The following FHIT variants were observed in gnomAD, a reference collection of about 807,000 sequenced individuals.
The protein encoded by FHIT is fragile histidine triad diadenosine triphosphatase, also known as bis(5'-adenosyl)-triphosphatase.
Under a neutral mutation model 17.9 loss-of-function variants are expected in FHIT, and 19 were observed. The ratio of observed to expected loss-of-function variants is 1.06; its 90% confidence interval spans 0.74 to 1.56. The LOEUF is 1.56. Among genes scored for constraint, FHIT ranks in the 40% most tolerant of loss-of-function variants. The pLI is 0.00. For synonymous variants in FHIT, 81 were observed against 69.7 expected (o/e 1.16, Z -0.81); for missense variants, 248 against 189.2 (o/e 1.31, Z -1.82).
chr3:60,468,387 C>T (rs982863050), intron 5 of FHIT, among the ~76,000 whole-genome samples: 1 of 151,894 alleles, frequency 6.6e-6, no homozygotes, highest in Non-Finnish European at 1.5e-5. Context: ...TCATTCCTTC[C>T]TGTCTTCCTT....
At chr3:60,878,528 A>G (rs1434557516) in intron 3 of FHIT, among the ~76,000 whole-genome samples, 1 of 151,724 alleles carries the variant, frequency 6.6e-6, no homozygotes, top group South Asian at 2.1e-4. Flanking sequence ...TTTAGGGTAC[A>G]TGTGCACAAT....
At chr3:60,130,746 G>GTT (rs1491226902) in intron 5 of FHIT, among the ~76,000 whole-genome samples, 1 of 46,980 alleles carries the variant, frequency 2.1e-5, no homozygotes, top group African/African-American at 1.0e-4. Context: ...CTGAATAGGG[G>GTT]TGTGTGTGTG....
At chr3:60,786,106 C>T (rs1290952011) in intron 4 of FHIT, among the ~76,000 whole-genome samples, 1 of 152,204 alleles carries the variant, frequency 6.6e-6, no homozygotes, top group African/African-American at 2.4e-5. Context: ...TTTTTAAAAG[C>T]CTAATTTTTA....
At chr3:60,542,064 CATT>C (rs900157673) in intron 4 of FHIT, among the ~76,000 whole-genome samples, 8 of 152,244 alleles carry the variant, frequency 5.3e-5, no homozygotes. Context: ...TGTGTACATA[CATT>C]TTTTGTCAAA....
At chr3:60,610,989 G>C (rs1356719710) in intron 4 of FHIT, among the ~76,000 whole-genome samples, 1 of 152,112 alleles carries the variant, frequency 6.6e-6, no homozygotes, top group African/African-American at 2.4e-5. Flanking sequence ...TGTAAAATAG[G>C]AGTCATCACA....
chr3:60,520,057 C>A (rs1317153640), intron 5 of FHIT, among the ~76,000 whole-genome samples: 1 of 152,072 alleles, frequency 6.6e-6, no homozygotes, highest in South Asian at 2.1e-4. Context: ...TTTCATACAC[C>A]ATCTTTATAT....
intron 5 of FHIT, among the ~76,000 whole-genome samples, chr3:60,496,287 T>TA (rs899740708): frequency 1.3e-5 from 2 of 151,884 alleles, no homozygotes; most frequent in Non-Finnish European, 2.9e-5. Flanking sequence ...CTAGAATATA[T>TA]AAAAATACTA....
At chr3:60,323,490 T>C (rs1709525803) in intron 5 of FHIT, among the ~76,000 whole-genome samples, 3 of 152,112 alleles carry the variant, frequency 2.0e-5, no homozygotes, top group Admixed American at 6.5e-5. Context: ...AGGGAGGTCA[T>C]ACAACCTGGT....
Position 60,753,405 on chromosome 3 carries a change from G to T in FHIT, c.-18+68514C>A, listed in dbSNP as rs367912178. On this transcript the variant is annotated intron_variant, in intron 4 of 9. Coordinates refer to ENST00000492590, the MANE Select transcript of FHIT (RefSeq NM_002012.4). The stretch of plus-strand genomic sequence containing the variant: ...TCCAGAACAATCACAAAAAGGGAGA[G>T]AAATGGCTGGCAGAGCAGAGGGCGG... Among the ~76,000 whole-genome samples, 4 of 152,094 alleles carry T rather than the reference G, an allele frequency of 2.6e-5. No individual in the cohort carries two copies. The East Asian group carries it at 5.8e-4, about 22-fold the overall frequency.
intron 3 of FHIT, among the ~76,000 whole-genome samples, chr3:60,985,331 A>G (rs766872334): frequency 1.3e-4 from 20 of 152,174 alleles, no homozygotes; most frequent in Non-Finnish European, 1.9e-4. Context: ...CCACTAAAGT[A>G]ATATACTTAC....
intron 5 of FHIT, among the ~76,000 whole-genome samples, chr3:60,269,285 A>T (rs1706746993): frequency 6.6e-6 from 1 of 152,220 alleles, no homozygotes; most frequent in African/African-American, 2.4e-5. Context: ...CTTTAACCTT[A>T]TTGGGAACCT....
intron 4 of FHIT, among the ~76,000 whole-genome samples, chr3:60,639,147 G>A (rs1359177762): frequency 6.6e-6 from 1 of 150,690 alleles, no homozygotes; most frequent in African/African-American, 2.4e-5. Context: ...AAGGGCATTT[G>A]CGAATTTGCA....
intron 8 of FHIT, among the ~76,000 whole-genome samples, chr3:59,864,561 TC>T (rs1702549940): frequency 6.6e-6 from 1 of 151,656 alleles, no homozygotes; most frequent in Non-Finnish European, 1.5e-5. Flanking sequence ...CGCTCTTCAT[TC>T]CTGCAGCATA....
intron 3 of FHIT, among the ~76,000 whole-genome samples, chr3:60,860,417 G>GA: frequency 1.5e-5 from 2 of 135,762 alleles, no homozygotes; most frequent in Non-Finnish European, 3.2e-5. Context: ...TACATCATAT[G>GA]TATATATGAT....
chr3:59,819,561 G>A (rs1228922706), intron 8 of FHIT, among the ~76,000 whole-genome samples: 1 of 152,046 alleles, frequency 6.6e-6, no homozygotes, highest in Non-Finnish European at 1.5e-5. Flanking sequence ...TCCAGTCCTG[G>A]TCCCCTCCCT....
chr3:60,790,721 C>T (rs1553728274), intron 4 of FHIT, among the ~76,000 whole-genome samples: 5 of 152,076 alleles, frequency 3.3e-5, no homozygotes, highest in Non-Finnish European at 7.4e-5. Context: ...TATGATACTA[C>T]GAGAGATACA....
chr3:60,439,142 C>G (rs1389302441), intron 5 of FHIT, among the ~76,000 whole-genome samples: 1 of 152,040 alleles, frequency 6.6e-6, no homozygotes, highest in Non-Finnish European at 1.5e-5. Context: ...TTGCAGGCAT[C>G]CAAGTTTTTA....
At chr3:60,529,097 T>C (rs2035677249) in intron 5 of FHIT, among the ~76,000 whole-genome samples, 1 of 152,174 alleles carries the variant, frequency 6.6e-6, no homozygotes, top group Non-Finnish European at 1.5e-5. Context: ...ATATCTGGTA[T>C]TGTAGAGGTT....
intron 5 of FHIT, among the ~76,000 whole-genome samples, chr3:60,077,686 T>TCACACACCCA (rs1433817563): frequency 9.1e-6 from 1 of 110,312 alleles, no homozygotes; most frequent in South Asian, 3.7e-4. Flanking sequence ...CGATTTTACT[T>TCACACACCCA]CACACACACA....
Sources: allele counts gnomAD v4.1 joint callset (sites outside exome capture counted in the v4.1 genomes callset), GRCh38; gene constraint gnomAD v4.1.1; transcripts MANE v1.5; gene names NCBI Gene and HGNC (gene_info 2026-07-23, HGNC 2026-07-21).